Variants in ERCC6L2 observed in about 807,000 individuals in gnomAD.
ERCC6L2 encodes the protein DNA excision repair protein ERCC-6-like 2.
In ERCC6L2, 77 loss-of-function variants were observed where a neutral mutation model predicts 132.0. The ratio of observed to expected loss-of-function variants is 0.58; its 90% CI spans 0.49 to 0.71. The LOEUF (loss-of-function observed/expected upper bound fraction) is 0.71, where lower values mean the gene tolerates loss of function less well. ERCC6L2 is among the 30% of genes least tolerant of loss of function. ERCC6L2 has a pLI of 0.00. For missense variants in ERCC6L2, 1,542 were observed against 1,837.6 expected (o/e 0.84, Z 2.94); for synonymous variants, 583 against 632.4 (o/e 0.92, Z 1.17).
intron 12 of ERCC6L2, among the ~76,000 whole-genome samples, chr9:95,953,260 A>G (rs1831426123): frequency 6.6e-6 from 1 of 152,182 alleles, no homozygotes; most frequent in Non-Finnish European, 1.5e-5. Context: ...GAGGAAATCA[A>G]GAGAGAAAAA....
At chr9:95,898,847 G>C (rs947876388) in intron 3 of ERCC6L2, among the ~76,000 whole-genome samples, 2 of 152,092 alleles carry the variant, frequency 1.3e-5, no homozygotes, top group Non-Finnish European at 2.9e-5. Flanking sequence ...AAACTTTTCA[G>C]AACTACTGGC....
chr9:96,035,319 A>T (rs942902821), intron 19 of ERCC6L2, among the ~76,000 whole-genome samples: 1 of 152,056 alleles, frequency 6.6e-6, no homozygotes, highest in Non-Finnish European at 1.5e-5. Flanking sequence ...CAGAGTGGAG[A>T]TTCATGGTGC....
At chr9:95,949,577 AAACT>A (rs979186829) in intron 12 of ERCC6L2, among the ~76,000 whole-genome samples, 52 of 152,296 alleles carry the variant, frequency 3.4e-4, no homozygotes, top group African/African-American at 1.2e-3. Flanking sequence ...AAAAACAAAC[AAACT>A]GTCAACTGAG....
In ERCC6L2 at chr9:96,016,274, G is replaced by T. The variant is rs1161552128; in HGVS notation, c.*3071G>T. On this transcript the variant is annotated 3_prime_UTR_variant, in exon 19 of 19. Transcript: ENST00000653738. ...ACTTAACTAGTAAAACAATTAAAATGCAAGTCTGTTGCTTCAAGCAACACC... is the reference window on the plus strand; with the variant it reads ...ACTTAACTAGTAAAACAATTAAAATTCAAGTCTGTTGCTTCAAGCAACACC... Among the ~76,000 whole-genome samples the T allele has an allele frequency of 6.6e-6, 1 of 152,144 alleles. No homozygotes were observed. Among genetic ancestry groups the T allele is most frequent in the Non-Finnish European group, 1.5e-5 (1 of 68,038 alleles).
At position 95,970,587 on chromosome 9, in the gene ERCC6L2, A is replaced by C. The variant is rs1832369408; in HGVS notation, c.2112A>C (p.Gln704His). Residue 704 changes from glutamine (Q) to histidine (H), a missense_variant, in exon 15 of 19, where the codon CAA (glutamine) becomes CAC (histidine). Transcript: ENST00000653738. The stretch of plus-strand genomic sequence containing the variant: ...TACTGACATTATAGAGAGAAGGCCA[A>C]GTAGAAGCAGGGATCATGACAGCCA... ...LTKDILEREG[Q>H]VEAGIMTATT... The C allele has an allele frequency of 7.7e-7, 1 of 1,303,614 alleles. No individual in the cohort carries two copies. The highest frequency in any genetic ancestry group is 1.0e-6 in the Non-Finnish European group (1 of 988,628). 80.8% of individuals were successfully genotyped at this position (1,303,614 alleles called of 1,614,324 possible).
At chr9:95,995,122 A>G (rs1033855236) in intron 17 of ERCC6L2, among the ~76,000 whole-genome samples, 4 of 152,146 alleles carry the variant, frequency 2.6e-5, no homozygotes, top group Non-Finnish European at 5.9e-5. Flanking sequence ...TCTTCCTTGT[A>G]TTTTTAAGTA....
intron 20 of ERCC6L2, among the ~76,000 whole-genome samples, chr9:96,039,626 A>G (rs1467290634): frequency 6.6e-6 from 1 of 152,100 alleles, no homozygotes; most frequent in Non-Finnish European, 1.5e-5. Flanking sequence ...GGTGGGGACT[A>G]GAGATTACAG....
chr9:95,949,939 G>A (rs1361343679), intron 12 of ERCC6L2, among the ~76,000 whole-genome samples: 2 of 151,804 alleles, frequency 1.3e-5, no homozygotes, highest in South Asian at 2.1e-4. Context: ...CCTGGGAGAC[G>A]GAGCTTGCAG....
chr9:95,986,391 C>G lies in ERCC6L2; in HGVS notation c.3492+8176C>G, dbSNP rs150968626. Among the ~76,000 whole-genome samples, 830 of 151,856 alleles carry G rather than the reference C, an allele frequency of 5.5e-3. 8 individuals are homozygous for G. The highest frequency in any genetic ancestry group is 0.021 in the Middle Eastern group (6 of 290). On this transcript the variant is annotated intron_variant, in intron 17 of 18. Transcript: ENST00000653738. ...GTAAATTAACTTTTAGTCCTTAGGT[C>G]TTTTGTTTCATGTTGCCAGATAACT... is the stretch of plus-strand genomic sequence containing the variant.
rs1324983691 is a variant in ERCC6L2 at position 96,013,936 on chromosome 9, T to C, written c.*733T>C. 1 of 152,222 alleles carries C rather than the reference T, an allele frequency of 6.6e-6. No homozygotes were observed. The highest frequency in any genetic ancestry group is 1.5e-5 in the Non-Finnish European group (1 of 68,030). 9.4% of individuals were successfully genotyped at this position (152,222 alleles called of 1,614,324 possible). ...GTAAATAAAGGTTTGTATAGTACTTTTGTAGTTCTTAAGTATGAAGAAATG... is the reference window on the plus strand; with the variant it reads ...GTAAATAAAGGTTTGTATAGTACTTCTGTAGTTCTTAAGTATGAAGAAATG... On this transcript the variant is annotated 3_prime_UTR_variant, in exon 19 of 19. Coordinates refer to ENST00000653738, the MANE Select transcript of ERCC6L2 (RefSeq NM_020207.7).
rs562796058 is a variant in ERCC6L2, at chr9:95,896,324, T to C, written c.472-1525T>C. Among the ~76,000 whole-genome samples the C allele has an allele frequency of 2.0e-5, 3 of 152,268 alleles. No homozygotes were observed. In the South Asian group the frequency reaches 6.2e-4, roughly 32 times the overall value. On this transcript the variant is annotated intron_variant, in intron 2 of 18. Transcript: ENST00000653738. ...TTATTATCACTTTGAAAATATTCTGTTGTATAGTATCTTCCATTCTTTTTC... is the reference window on the plus strand; with the variant it reads ...TTATTATCACTTTGAAAATATTCTGCTGTATAGTATCTTCCATTCTTTTTC...
At chr9:95,978,742 C>T (rs895004472) in intron 17 of ERCC6L2, among the ~76,000 whole-genome samples, 1 of 152,014 alleles carries the variant, frequency 6.6e-6, no homozygotes, top group Non-Finnish European at 1.5e-5. Context: ...TCACTTTCAT[C>T]AAAGGTTTTT....
rs1371796129 is a variant in ERCC6L2, at chr9:96,017,726, G to A, written c.*4523G>A. ...GCGCCCCCCATCTCTGTATGCAGCTGAGCTCATGATGGAGCCCACTGTGTG... is the reference window on the plus strand; with the variant it reads ...GCGCCCCCCATCTCTGTATGCAGCTAAGCTCATGATGGAGCCCACTGTGTG... On this transcript the variant is annotated 3_prime_UTR_variant, in exon 19 of 19. Coordinates refer to ENST00000653738, the MANE Select transcript of ERCC6L2 (RefSeq NM_020207.7). Among the ~76,000 whole-genome samples, 3 of 152,184 alleles carry A rather than the reference G, an allele frequency of 2.0e-5. No individual in the cohort carries two copies. Among genetic ancestry groups the A allele is most frequent in the Non-Finnish European group, 4.4e-5 (3 of 68,036 alleles).
intron 8 of ERCC6L2, 146 bp downstream of exon 8, chr9:95,922,564 A>T (rs1305078410): frequency 8.6e-6 from 5 of 578,792 alleles, no homozygotes; most frequent in Non-Finnish European, 1.5e-5. Flanking sequence ...ATCAAGGAGT[A>T]TGTGCACTTA....
chr9:96,008,546 G>A (rs187458158), intron 18 of ERCC6L2, among the ~76,000 whole-genome samples: 12 of 152,266 alleles, frequency 7.9e-5, no homozygotes, highest in East Asian at 3.9e-4. Flanking sequence ...TCAATGAGTC[G>A]TCCTTCAATG....
rs758387641 is a variant in ERCC6L2, at chr9:95,916,405, A to C, written c.1129A>C (p.Lys377Gln). The change falls in exon 6 of 19, where the codon AAG becomes CAG. Residue 377 changes from lysine to glutamine, a missense_variant. Around this residue, in one of 4 missense-constraint regions of ERCC6L2, gnomAD observed 945 missense variants for 1,105.2 expected, o/e 0.86. Transcript: ENST00000653738. ...WFLRRTKTLI[K>Q]DQLPKKEDRM... ...TCTCAGGCGCACCAAGACTCTTATCAAGGATCAGTTGCCTAAGAAGGAAGA... is the reference window on the plus strand; with the variant it reads ...TCTCAGGCGCACCAAGACTCTTATCCAGGATCAGTTGCCTAAGAAGGAAGA... 2 of 1,586,288 alleles carry C rather than the reference A, an allele frequency of 1.3e-6. No homozygotes were observed. Among genetic ancestry groups the C allele is most frequent in the African/African-American group, 2.7e-5 (2 of 73,174 alleles).
chr9:95,919,696 C>T (rs1436750348), intron 6 of ERCC6L2, among the ~76,000 whole-genome samples: 1 of 152,220 alleles, frequency 6.6e-6, no homozygotes, highest in African/African-American at 2.4e-5. Flanking sequence ...TGAAAGCCAT[C>T]ATTCCTGGAA....
At position 95,899,600 on chromosome 9, in the gene ERCC6L2, A is replaced by ATATATATGTGTG. The variant is rs746946004; in HGVS notation, c.594+1630_594+1631insATATATGTGTGT. On this transcript the variant is annotated intron_variant, in intron 3 of 18. Coordinates refer to ENST00000653738, the MANE Select transcript of ERCC6L2 (RefSeq NM_020207.7). ...TTTCTTTTTTTCTCTTTATATATAT[A>ATATATATGTGTG]TGTGTGTGTGTGTGTGTGTGTGTGT... 1.3e-3 allele frequency among the ~76,000 whole-genome samples: 175 copies of ATATATATGTGTG among 134,886 alleles called. 1 individual carries two copies. Among genetic ancestry groups the ATATATATGTGTG allele is most frequent in the African/African-American group, 4.9e-3 (172 of 34,782 alleles). The allele number at this position is 134,886 out of a possible 152,430, so 88.5% of individuals were successfully genotyped here. A position where few individuals can be genotyped will look rare whatever the true frequency, so the allele number is the denominator to read the frequency against.
intron 16 of ERCC6L2, among the ~76,000 whole-genome samples, chr9:95,973,726 C>G (rs1469675663): frequency 6.6e-6 from 1 of 152,132 alleles, no homozygotes; most frequent in Admixed American, 6.6e-5. Context: ...ATTGTGGGAG[C>G]TACAATTCAG....
Sources: allele counts gnomAD v4.1 joint callset (sites outside exome capture counted in the v4.1 genomes callset), GRCh38; gene constraint gnomAD v4.1.1; regional missense constraint gnomAD v4.1.1; transcripts MANE v1.5; gene names NCBI Gene and HGNC (gene_info 2026-07-23, HGNC 2026-07-21).